PRDM2: variants seen among roughly 807,000 people sequenced by gnomAD.
PRDM2 encodes the protein PR/SET domain 2, also known as PR domain zinc finger protein 2.
In PRDM2, 30 loss-of-function variants were observed where a neutral mutation model predicts 130.0. That is an observed-to-expected ratio of 0.23 (90% CI 0.17 to 0.31). The LOEUF (loss-of-function observed/expected upper bound fraction) is 0.31. Among genes scored for constraint, PRDM2 ranks in the 10% least tolerant of loss-of-function variants. The pLI is 1.00. For synonymous variants in PRDM2, 871 were observed against 782.4 expected (o/e 1.11, Z -1.89); for missense variants, 2,011 against 2,108.4 (o/e 0.95, Z 0.90).
intron 6 of PRDM2, among the ~76,000 whole-genome samples, chr1:13,755,101 T>C (rs924018679): frequency 6.6e-6 from 1 of 152,172 alleles, no homozygotes; most frequent in South Asian, 2.1e-4. Context: ...TAGTAGTTTT[T>C]CAACAGTAGG....
chr1:13,769,325 G>C (rs1644304272), intron 6 of PRDM2, among the ~76,000 whole-genome samples: 1 of 152,172 alleles, frequency 6.6e-6, no homozygotes, highest in African/African-American at 2.4e-5. Flanking sequence ...CAGAAATCAG[G>C]TGTCAGAAGA....
At chr1:13,753,585 A>G (rs192267546) in intron 6 of PRDM2, among the ~76,000 whole-genome samples, 4 of 152,368 alleles carry the variant, frequency 2.6e-5, no homozygotes, top group Admixed American at 2.6e-4. Context: ...AACTTAAAAT[A>G]TAGGGAGGTA....
At chr1:13,713,368 A>G (rs2100407962) in intron 1 of PRDM2, among the ~76,000 whole-genome samples, 1 of 152,296 alleles carries the variant, frequency 6.6e-6, no homozygotes, top group African/African-American at 2.4e-5. Context: ...ATTAGCAGAA[A>G]CCAAAATTAT....
At chr1:13,755,255 C>T (rs570224579) in intron 6 of PRDM2, among the ~76,000 whole-genome samples, 1 of 152,076 alleles carries the variant, frequency 6.6e-6, no homozygotes, top group South Asian at 2.1e-4. Context: ...TGTGGATTAA[C>T]GTAAATTTTT....
At chr1:13,819,587 T>G (rs1233967423) in intron 9 of PRDM2, among the ~76,000 whole-genome samples, 1 of 152,384 alleles carries the variant, frequency 6.6e-6, no homozygotes, top group South Asian at 2.1e-4. Flanking sequence ...CTCTTTATAC[T>G]GTTTGCCTTA....
chr1:13,711,738 A>AT (rs1451216724), intron 1 of PRDM2, among the ~76,000 whole-genome samples: 2 of 152,184 alleles, frequency 1.3e-5, no homozygotes, highest in Non-Finnish European at 2.9e-5. Flanking sequence ...TATTTTATGT[A>AT]TATAGCTTGA....
At position 13,779,098 on chromosome 1, in the gene PRDM2, G is replaced by A. The variant is rs755051067; in HGVS notation, c.1303G>A (p.Ala435Thr). The change falls in exon 8 of 10, where the codon GCA (alanine) becomes ACA (threonine). Residue 435 changes from alanine (A) to threonine (T), a missense_variant. Ala to Thr is a moderately conservative substitution (Grantham distance 58). Around this residue, in one of 5 missense-constraint regions of PRDM2, gnomAD observed 1,288 missense variants for 1,237.7 expected, o/e 1.04. Transcript: ENST00000311066. This position sits in a 1 kb window ranked among gnomAD's most constrained non-coding sequence, Gnocchi z 4.9. ...GTCAGAGGATCTGGCTGATGGCAAA[G>A]CATCTGGAGAAAACGTTGCTTCAAA... ...QPSEDLADGK[A>T]SGENVASKDD... is the part of the protein sequence containing the mutation. 4.3e-6 allele frequency: 7 copies of A among 1,614,076 alleles called. No homozygotes were observed. In the African/African-American group the frequency reaches 6.7e-5, roughly 15 times the overall value.
At chr1:13,770,197 C>A (rs1644326715) in intron 6 of PRDM2, 1 of 373,026 alleles carries the variant, frequency 2.7e-6, no homozygotes, top group Non-Finnish European at 5.3e-6. Flanking sequence ...AAAGAGGACA[C>A]CTGGAGAGAG....
Position 13,719,125 on chromosome 1 carries a change from G to A in PRDM2, c.9+3511G>A, listed in dbSNP as rs889209616. Among the ~76,000 whole-genome samples the A allele has an allele frequency of 2.6e-5, 4 of 152,300 alleles. No individual in the cohort carries two copies. In the East Asian group the frequency reaches 5.8e-4, roughly 22 times the overall value. On this transcript the variant is annotated intron_variant, in intron 2 of 9. Coordinates refer to ENST00000311066, the MANE Select transcript of PRDM2 (RefSeq NM_001393986.1). ...TGTGAAGACAATTAAACAAGATCTT[G>A]TTATAAAGGATGATGGGTAGAGGTG... is the stretch of plus-strand genomic sequence containing the variant.
At chr1:13,778,291 A>G in intron 7 of PRDM2, 127 bp from the exon 8 acceptor site, 2 of 969,684 alleles carry the variant, frequency 2.1e-6, no homozygotes, top group Non-Finnish European at 3.1e-6. Context: ...GAAGTAATTT[A>G]TTGTTCATCA....
chr1:13,714,662 CAT>C (rs1642478797), intron 1 of PRDM2, among the ~76,000 whole-genome samples: 1 of 152,072 alleles, frequency 6.6e-6, no homozygotes, highest in African/African-American at 2.4e-5. Context: ...ACAATTAGAA[CAT>C]AATGTTACAA....
At chr1:13,811,319 G>A (rs1436533303) in intron 8 of PRDM2, among the ~76,000 whole-genome samples, 1 of 152,172 alleles carries the variant, frequency 6.6e-6, no homozygotes. Context: ...GCTCGTTAAC[G>A]CTTACTTGCA....
At chr1:13,811,358 A>G (rs1330962150) in intron 8 of PRDM2, among the ~76,000 whole-genome samples, 3 of 152,172 alleles carry the variant, frequency 2.0e-5, no homozygotes, top group Non-Finnish European at 4.4e-5. Context: ...CATAACCCAC[A>G]GGAAGCATCC....
At chr1:13,810,497 C>CT (rs57728640) in intron 8 of PRDM2, among the ~76,000 whole-genome samples, 122,896 of 146,700 alleles carry the variant, frequency 0.84, 51,434 homozygotes, top group Middle Eastern at 0.89. Flanking sequence ...TTTTTCTTTT[C>CT]TTTTTTTTTT....
chr1:13,719,848 A>G (rs1642666949), intron 2 of PRDM2, among the ~76,000 whole-genome samples: 1 of 152,164 alleles, frequency 6.6e-6, no homozygotes, highest in African/African-American at 2.4e-5. Context: ...AAATCTATAC[A>G]AAGATGGGTT....
chr1:13,704,202 C>G (rs1642143786), intron 1 of PRDM2, among the ~76,000 whole-genome samples: 1 of 152,180 alleles, frequency 6.6e-6, no homozygotes, highest in African/African-American at 2.4e-5. Flanking sequence ...TACAGAACAT[C>G]TGTATAATTT....
At chr1:13,704,309 T>C (rs776083845) in intron 1 of PRDM2, among the ~76,000 whole-genome samples, 36 of 151,672 alleles carry the variant, frequency 2.4e-4, no homozygotes, top group Non-Finnish European at 4.4e-4. Context: ...ATTAGAGTTA[T>C]TGTATGTAGT....
intron 6 of PRDM2, among the ~76,000 whole-genome samples, chr1:13,769,329 C>T (rs1644304318): frequency 1.3e-5 from 2 of 152,116 alleles, no homozygotes; most frequent in Non-Finnish European, 2.9e-5. Context: ...AATCAGGTGT[C>T]AGAAGAAATC....
Position 13,740,120 on chromosome 1 carries a change from G to A in PRDM2, c.232-1885G>A, listed in dbSNP as rs531688565. Among the ~76,000 whole-genome samples, 4 of 152,314 alleles carry A rather than the reference G, an allele frequency of 2.6e-5. No individual in the cohort carries two copies. In the East Asian group the frequency reaches 7.7e-4, roughly 29 times the overall value. On this transcript the variant is annotated intron_variant, in intron 4 of 9. Transcript: ENST00000311066. The stretch of plus-strand genomic sequence containing the variant: ...TCTCCTTTGAAACAAAATGAGTTAT[G>A]TATGAATAAAAATTGTACTCAACTG...
Sources: gnomAD v4.1 joint callset for allele counts (sites outside exome capture counted in the v4.1 genomes callset) on GRCh38, gnomAD v4.1.1 for gene constraint, gnomAD v4.1.1 regional missense constraint, Gnocchi (gnomAD v3.1) non-coding constraint, MANE v1.5 for transcripts, NCBI Gene and HGNC (gene_info 2026-07-23, HGNC 2026-07-21) for gene names.